PDE10A: variants seen among roughly 807,000 people sequenced by gnomAD.
PDE10A encodes the protein phosphodiesterase 10A, also known as cAMP and cAMP-inhibited cGMP 3',5'-cyclic phosphodiesterase 10A.
In PDE10A, 39 loss-of-function variants were observed where a neutral mutation model predicts 97.7. The observed-to-expected ratio is 0.40, with a 90% CI of 0.31 to 0.52. PDE10A has a LOEUF of 0.52. Among genes scored for constraint, PDE10A ranks in the 20% least tolerant of loss-of-function variants. The pLI is 0.56. For synonymous variants in PDE10A, 371 were observed against 376.8 expected, an observed-to-expected ratio of 0.98 and a Z score of 0.18; for missense variants, 731 against 1,047.8, an observed-to-expected ratio of 0.70 and a Z score of 4.17.
chr6:165,870,500 T>C (rs1781177256), intron 1 of PDE10A, among the ~76,000 whole-genome samples: 3 of 152,198 alleles, frequency 2.0e-5, no homozygotes, highest in African/African-American at 2.4e-5. Flanking sequence ...TCATACACTC[T>C]TAGTAGGAAT....
At chr6:165,799,518 A>G (rs922789218) in intron 1 of PDE10A, among the ~76,000 whole-genome samples, 3 of 151,980 alleles carry the variant, frequency 2.0e-5, no homozygotes, top group Non-Finnish European at 4.4e-5. Context: ...TCTGTTTTGG[A>G]TTGTCTACTG....
chr6:165,729,108 A>C (rs1792364469), intron 1 of PDE10A, among the ~76,000 whole-genome samples: 1 of 151,956 alleles, frequency 6.6e-6, no homozygotes, highest in Non-Finnish European at 1.5e-5. Flanking sequence ...AGGCTGAGGC[A>C]GGAGGATCTC....
intron 1 of PDE10A, among the ~76,000 whole-genome samples, chr6:165,845,257 C>T (rs1780382020): frequency 6.6e-6 from 1 of 152,126 alleles, no homozygotes; most frequent in South Asian, 2.1e-4. Context: ...AAGTGGGAGT[C>T]ACAGATTTAA....
At chr6:165,384,913 G>C (rs1381788213) in intron 17 of PDE10A, among the ~76,000 whole-genome samples, 5 of 152,004 alleles carry the variant, frequency 3.3e-5, no homozygotes, top group Non-Finnish European at 7.4e-5. Context: ...ACACAAAATT[G>C]CTTACGTCCT....
chr6:165,973,147 A>C (rs1446541872), intron 1 of PDE10A, among the ~76,000 whole-genome samples: 1 of 152,230 alleles, frequency 6.6e-6, no homozygotes, highest in Admixed American at 6.5e-5. Flanking sequence ...GGCTGGGCAC[A>C]GTGGTTCATG....
intron 3 of PDE10A, among the ~76,000 whole-genome samples, chr6:165,473,314 C>G (rs915733151): frequency 3.3e-5 from 5 of 152,128 alleles, no homozygotes; most frequent in African/African-American, 1.2e-4. Flanking sequence ...GGTTTCAATA[C>G]TTCTCAGAGA....
chr6:165,483,824 C>T (rs1779742728), intron 2 of PDE10A, among the ~76,000 whole-genome samples: 1 of 152,168 alleles, frequency 6.6e-6, no homozygotes, highest in African/African-American at 2.4e-5. Context: ...TGTGAATGTC[C>T]AGACATCTGT....
chr6:165,416,307 G>A (rs747298962), intron 11 of PDE10A, 26 bp from the exon 12 acceptor site: 5 of 1,404,056 alleles, frequency 3.6e-6, no homozygotes, highest in Non-Finnish European at 5.1e-6. Context: ...AGAAGGACAT[G>A]CTAATTAAAA....
At chr6:165,584,297 C>G (rs1481699932) in intron 1 of PDE10A, among the ~76,000 whole-genome samples, 5 of 152,184 alleles carry the variant, frequency 3.3e-5, no homozygotes, top group African/African-American at 1.2e-4. Flanking sequence ...TGCTCATACA[C>G]ATATGTTCCT....
intron 1 of PDE10A, among the ~76,000 whole-genome samples, chr6:165,652,268 G>A (rs1264701163): frequency 6.6e-6 from 1 of 151,856 alleles, no homozygotes; most frequent in African/African-American, 2.4e-5. Flanking sequence ...TGTTCATTTT[G>A]TCTTTTGAGG....
At chr6:165,691,589 G>GCACACACACA (rs771642535) in intron 1 of PDE10A, among the ~76,000 whole-genome samples, 19 of 144,578 alleles carry the variant, frequency 1.3e-4, no homozygotes, top group African/African-American at 3.3e-4. Flanking sequence ...ATGCACGCGC[G>GCACACACACA]CGCACACACA....
chr6:165,960,760 C>T (rs556007390), intron 1 of PDE10A, among the ~76,000 whole-genome samples: 5 of 152,150 alleles, frequency 3.3e-5, no homozygotes, highest in African/African-American at 7.2e-5. Flanking sequence ...GGAGAAGCTG[C>T]GCATAGAGCA....
At position 165,327,954 on chromosome 6, in the gene PDE10A, G is replaced by A. The variant is rs1156776809; in HGVS notation, c.*5071C>T. The A allele has an allele frequency of 6.6e-6, 1 of 152,128 alleles. No individual in the cohort carries two copies. Among genetic ancestry groups the A allele is most frequent in the Non-Finnish European group, 1.5e-5 (1 of 68,024 alleles). 9.4% of individuals were successfully genotyped at this position (152,128 alleles called of 1,614,324 possible). ...CTCTTAGATGCCTTAGCTACGTTAT[G>A]GATCTAGGATCTCTTTTGTTCATTT... On this transcript the variant is annotated 3_prime_UTR_variant, in exon 22 of 22. Transcript: ENST00000539869.
chr6:165,628,791 T>C (rs528407884), intron 1 of PDE10A, among the ~76,000 whole-genome samples: 1 of 152,242 alleles, frequency 6.6e-6, no homozygotes, highest in African/African-American at 2.4e-5. Context: ...AAATTCACTA[T>C]ACACTAATCT....
intron 1 of PDE10A, among the ~76,000 whole-genome samples, chr6:165,724,909 G>A (rs1792254959): frequency 6.6e-6 from 1 of 152,214 alleles, no homozygotes; most frequent in Admixed American, 6.5e-5. Context: ...TCATAGTGGT[G>A]ATATGGGAGG....
chr6:165,356,435 T>G (rs1009239210), intron 18 of PDE10A, among the ~76,000 whole-genome samples: 1 of 152,188 alleles, frequency 6.6e-6, no homozygotes, highest in Non-Finnish European at 1.5e-5. Flanking sequence ...CTTTACAAAG[T>G]TATATAATAC....
At chr6:165,903,474 G>T (rs909821872) in intron 1 of PDE10A, among the ~76,000 whole-genome samples, 1 of 152,120 alleles carries the variant, frequency 6.6e-6, no homozygotes, top group Non-Finnish European at 1.5e-5. Context: ...AGAGAGTTTT[G>T]GTTGGAGTTT....
chr6:165,515,875 A>C (rs956776065), intron 2 of PDE10A, among the ~76,000 whole-genome samples: 17 of 152,014 alleles, frequency 1.1e-4, no homozygotes, highest in African/African-American at 3.9e-4. Flanking sequence ...GAGCTTAGTA[A>C]ATTTATTTTC....
chr6:165,438,631 GTAT>G (rs1019621824), intron 5 of PDE10A, among the ~76,000 whole-genome samples: 4 of 152,102 alleles, frequency 2.6e-5, no homozygotes, highest in African/African-American at 9.7e-5. Context: ...TTAGTTCTTA[GTAT>G]TTCAAAATAA....
Sources: allele counts gnomAD v4.1 joint callset (sites outside exome capture counted in the v4.1 genomes callset), GRCh38; gene constraint gnomAD v4.1.1; transcripts MANE v1.5; gene names NCBI Gene and HGNC (gene_info 2026-07-23, HGNC 2026-07-21).